The following USF3 variants were observed in gnomAD, a reference collection of about 807,000 sequenced individuals.
USF3 encodes the protein basic helix-loop-helix domain-containing protein USF3.
In USF3, 29 loss-of-function variants were observed where a neutral mutation model predicts 157.5. The ratio of observed to expected loss-of-function variants is 0.18; its 90% CI spans 0.14 to 0.25. The LOEUF is 0.25. USF3 is among the 10% of genes least tolerant of loss of function. The pLI, the probability that USF3 is intolerant of heterozygous loss-of-function variation, is 1.00. For missense variants in USF3, 2,381 were observed against 2,667.6 expected (o/e 0.89, Z 2.37); for synonymous variants, 893 against 941.4 (o/e 0.95, Z 0.94).
At position 113,656,007 on chromosome 3, in the gene USF3, G is replaced by A. The variant is rs1947350691; in HGVS notation, c.5675C>T (p.Thr1892Ile). Residue 1892 changes from threonine to isoleucine, a missense_variant, in exon 7 of 7, where the codon ACC becomes ATC. Thr to Ile is a moderately conservative substitution (Grantham distance 89). This residue lies in a region of USF3 where 770 missense variants were observed against 824.2 expected (regional missense o/e 0.93). Transcript: ENST00000316407. ...SLGAINTRNS[T>I]LNIPFSSSSS... ...GGAACTTGAAAAAGGAATATTCAAG[G>A]TGCTGTTCCTGGTGTTAATTGCACC... The A allele has an allele frequency of 1.2e-6, 2 of 1,614,158 alleles. No homozygotes were observed. The highest frequency in any genetic ancestry group is 1.7e-6 in the Non-Finnish European group (2 of 1,180,024).
intron 2 of USF3, among the ~76,000 whole-genome samples, chr3:113,675,375 G>C (rs114433869): frequency 3.1e-4 from 47 of 152,236 alleles, no homozygotes; most frequent in African/African-American, 1.1e-3. Context: ...ATGAAAGCAA[G>C]CATTCATTCA....
Position 113,696,404 on chromosome 3 carries a change from G to A in USF3, c.-169C>T, listed in dbSNP as rs559373323. 5 of 150,954 alleles carry A rather than the reference G, an allele frequency of 3.3e-5. No individual in the cohort carries two copies. In the South Asian group the frequency reaches 1.0e-3, roughly 32 times the overall value. The allele number at this position is 150,954 out of a possible 1,614,324, so 9.4% of individuals were successfully genotyped here. A position where few individuals can be genotyped will look rare whatever the true frequency, so the allele number is the denominator to read the frequency against. On this transcript the variant is annotated 5_prime_UTR_variant, in exon 1 of 7. Coordinates refer to ENST00000316407, the MANE Select transcript of USF3 (RefSeq NM_001009899.4). Reference sequence around the variant, plus strand: ...GCGCGGTCTCGGCCGCGGTGGCGGCGGCGACGGCGGCGACCCCCGCCTGGG... The same window carrying A: ...GCGCGGTCTCGGCCGCGGTGGCGGCAGCGACGGCGGCGACCCCCGCCTGGG...
At position 113,670,907 on chromosome 3, in the gene USF3, A is replaced by AT. The variant is rs906014649; in HGVS notation, c.77-705dup. Among the ~76,000 whole-genome samples the AT allele has an allele frequency of 3.7e-4, 56 of 150,244 alleles. No homozygotes were observed. The East Asian group carries it at 6.3e-3, about 17-fold the overall frequency. ...CAGGCATGCAGCACCATGCCCAACTATTTTTTTTTGTATTTTTAGTAGGGA... is the reference window on the plus strand; with the variant it reads ...CAGGCATGCAGCACCATGCCCAACTATTTTTTTTTTGTATTTTTAGTAGGGA... On this transcript the variant is annotated intron_variant, in intron 4 of 6. Coordinates refer to ENST00000316407, the MANE Select transcript of USF3 (RefSeq NM_001009899.4).
At chr3:113,663,143 G>A (rs567627531) in intron 6 of USF3, among the ~76,000 whole-genome samples, 2 of 151,642 alleles carry the variant, frequency 1.3e-5, no homozygotes, top group Admixed American at 1.3e-4. Flanking sequence ...GAGAAATAAC[G>A]ATCATGACAG....
At chr3:113,695,059 A>G (rs997774379) in intron 1 of USF3, among the ~76,000 whole-genome samples, 1 of 151,518 alleles carries the variant, frequency 6.6e-6, no homozygotes. Flanking sequence ...AAAATAAAAG[A>G]AAGTTTACGA....
chr3:113,660,985 C>T lies in USF3; in HGVS notation c.697G>A (p.Ala233Thr), dbSNP rs776056279. ...GTGGGAAGCTCGAGAATACTCTGAGCAGAAATGGCAGCAGGAAGACAAAGA... is the reference window on the plus strand; with the variant it reads ...GTGGGAAGCTCGAGAATACTCTGAGTAGAAATGGCAGCAGGAAGACAAAGA... ...VPLCLPAAIS[A>T]QSILELPTSE... The change falls in exon 7 of 7, where the codon GCT becomes ACT. Residue 233 changes from alanine (A) to threonine (T), a missense_variant. By Grantham distance (58) the Ala-to-Thr change is moderately conservative. Coordinates refer to ENST00000316407, the MANE Select transcript of USF3 (RefSeq NM_001009899.4). 1 of 1,613,956 alleles carries T rather than the reference C, an allele frequency of 6.2e-7. No homozygotes were observed. The highest frequency in any genetic ancestry group is 1.1e-5 in the South Asian group (1 of 91,080).
intron 2 of USF3, among the ~76,000 whole-genome samples, chr3:113,676,855 A>G (rs1196301860): frequency 6.6e-6 from 1 of 152,248 alleles, no homozygotes; most frequent in Non-Finnish European, 1.5e-5. Flanking sequence ...CAGATGCTTC[A>G]TCTACACCGT....
Position 113,658,282 on chromosome 3 carries a change from C to A in USF3, c.3400G>T (p.Ala1134Ser). Residue 1134 changes from alanine to serine, a missense_variant, in exon 7 of 7, where the codon GCT becomes TCT. Ala to Ser is a moderately conservative substitution (Grantham distance 99). This residue lies in a region of USF3 where 1,435 missense variants were observed against 1,550.9 expected (regional missense o/e 0.93). Coordinates refer to ENST00000316407, the MANE Select transcript of USF3 (RefSeq NM_001009899.4). ...TCAAAAATAGCTCTTGCTGCAAGAG[C>A]TACTATATCAGTTTGCTCTACAAAG... ...CTFVEQTDIV[A>S]LAARAIFDQE... 1 of 1,614,188 alleles carries A rather than the reference C, an allele frequency of 6.2e-7. No homozygotes were observed. Among genetic ancestry groups the A allele is most frequent in the South Asian group, 1.1e-5 (1 of 91,090 alleles).
chr3:113,695,823 T>G (rs1707784707), intron 1 of USF3, among the ~76,000 whole-genome samples: 1 of 152,226 alleles, frequency 6.6e-6, no homozygotes, highest in Non-Finnish European at 1.5e-5. Context: ...GTCATTCACT[T>G]GCACTGCTTC....
chr3:113,659,410 C>A lies in USF3; in HGVS notation c.2272G>T (p.Ala758Ser), dbSNP rs1235379954. ...GAACTATCTGTTGTCACAGGAGGTG[C>A]TGCAGTTGTTGTTAATGAAACACAG... The part of the protein sequence containing the change: ...ANCVSLTTTA[A>S]PPVTTDSSAT... Residue 758 changes from alanine to serine, a missense_variant, in exon 7 of 7, where the codon GCA (alanine) becomes TCA (serine). This residue lies in a region of USF3 where 1,435 missense variants were observed against 1,550.9 expected (regional missense o/e 0.93). Transcript: ENST00000316407. 6.2e-7 allele frequency: 1 copy of A among 1,614,206 alleles called. No individual in the cohort carries two copies. Among genetic ancestry groups the A allele is most frequent in the Non-Finnish European group, 8.5e-7 (1 of 1,180,034 alleles).
Position 113,659,167 on chromosome 3 carries a change from C to T in USF3, c.2515G>A (p.Gly839Arg). The change falls in exon 7 of 7, where the codon GGA becomes AGA. Residue 839 changes from glycine to arginine, a missense_variant. By Grantham distance (125) the Gly-to-Arg change is moderately radical. Transcript: ENST00000316407. The part of the protein sequence containing the change: ...EGSAEPPCND[G>R]LLESFPAVLP... ...ACAGCAGGGAAGCTTTCTAGCAGTC[C>T]ATCATTACAGGGTGGCTCTGCTGAG... The T allele has an allele frequency of 6.2e-7, 1 of 1,614,164 alleles. No homozygotes were observed. The highest frequency in any genetic ancestry group is 8.5e-7 in the Non-Finnish European group (1 of 1,180,018).
At chr3:113,692,171 G>A (rs918402958) in intron 1 of USF3, among the ~76,000 whole-genome samples, 1 of 152,148 alleles carries the variant, frequency 6.6e-6, no homozygotes, top group Non-Finnish European at 1.5e-5. Flanking sequence ...TGTGCGGCCT[G>A]ATTCCTAACA....
intron 1 of USF3, among the ~76,000 whole-genome samples, chr3:113,685,439 C>T (rs1381102578): frequency 6.6e-6 from 1 of 152,130 alleles, no homozygotes; most frequent in African/African-American, 2.4e-5. Flanking sequence ...CCTTCAGGGT[C>T]GTGGGTTCCA....
In USF3 at chr3:113,657,908, C is replaced by T. The variant is rs759812008; in HGVS notation, c.3774G>A (p.Ala1258=). ...TTTGCTCTGAAGTTGGGGATAAACC[C>T]GCACAGCTGGCCAGAGGATGGCTGA... is the stretch of plus-strand genomic sequence containing the variant. ...SSISHPLASC[A]GLSPTSEQTT... is the part of the protein sequence containing the mutation. The change falls in exon 7 of 7, where the codon GCG becomes GCA. Residue 1258 remains alanine (A), a synonymous_variant. Transcript: ENST00000316407. The T allele has an allele frequency of 4.3e-6, 7 of 1,614,136 alleles. No homozygotes were observed. The South Asian group carries it at 4.4e-5, about 10-fold the overall frequency.
chr3:113,658,105 G>A lies in USF3; in HGVS notation c.3577C>T (p.Pro1193Ser), dbSNP rs1490894292. 1.2e-6 allele frequency: 2 copies of A among 1,613,962 alleles called. No homozygotes were observed. Among genetic ancestry groups the A allele is most frequent in the Admixed American group, 1.7e-5 (1 of 59,994 alleles). Residue 1193 changes from proline to serine, a missense_variant, in exon 7 of 7, where the codon CCA becomes TCA. Coordinates refer to ENST00000316407, the MANE Select transcript of USF3 (RefSeq NM_001009899.4). ...GAACCCTGAGAATTAAATTCATTTG[G>A]TGTTGCTTCTGCCTGTCCTGTGCCA... ...ESGTGQAEAT[P>S]NEFNSQGSIE...
chr3:113,682,197 T>C (rs1032764058), intron 1 of USF3, among the ~76,000 whole-genome samples: 2 of 152,130 alleles, frequency 1.3e-5, no homozygotes, highest in Non-Finnish European at 2.9e-5. Context: ...AGGTGGCATG[T>C]GCCTGTAGTC....
At position 113,654,852 on chromosome 3, in the gene USF3, C is replaced by A; in HGVS notation, c.*92G>T. Reference sequence around the variant, plus strand: ...AACTGATTATACAGACACACACACACAATCCTTCTCTTCATGTACATGTCT... The same window carrying A: ...AACTGATTATACAGACACACACACAAAATCCTTCTCTTCATGTACATGTCT... On this transcript the variant is annotated 3_prime_UTR_variant, in exon 7 of 7. Coordinates refer to ENST00000316407, the MANE Select transcript of USF3 (RefSeq NM_001009899.4). 7.3e-7 allele frequency: 1 copy of A among 1,371,900 alleles called. No homozygotes were observed. The highest frequency in any genetic ancestry group is 1.4e-5 in the African/African-American group (1 of 69,266). The allele number at this position is 1,371,900 out of a possible 1,614,324, so 85.0% of individuals were successfully genotyped here.
chr3:113,696,354 T>G lies in USF3; in HGVS notation c.-135+16A>C, dbSNP rs989660377. On this transcript the variant is annotated intron_variant, in intron 1 of 6. Coordinates refer to ENST00000316407, the MANE Select transcript of USF3 (RefSeq NM_001009899.4). ...CCCGCCCCGGCTGTCAGCGGCCCCC[T>G]CCCGCAGTCACTTACCCGCCGGCTG... The G allele has an allele frequency of 6.5e-5, 5 of 76,512 alleles. No homozygotes were observed. The highest frequency in any genetic ancestry group is 1.3e-4 in the Non-Finnish European group (5 of 38,260). The allele number at this position is 76,512 out of a possible 1,614,324, so 4.7% of individuals were successfully genotyped here.
chr3:113,657,018 G>A lies in USF3; in HGVS notation c.4664C>T (p.Pro1555Leu). ...TDQSRSKTGQPHPHHQQMQQQ... is the reference protein window; with the variant it reads ...TDQSRSKTGQLHPHHQQMQQQ... ...CTGCATCTGCTGATGGTGGGGATGT[G>A]GCTGGCCAGTCTTGGATCGGGATTG... is the stretch of plus-strand genomic sequence containing the variant. The change falls in exon 7 of 7, where the codon CCA becomes CTA. Residue 1555 changes from proline (P) to leucine (L), a missense_variant. This residue lies in a region of USF3 where 770 missense variants were observed against 824.2 expected (regional missense o/e 0.93). Transcript: ENST00000316407. 6.2e-7 allele frequency: 1 copy of A among 1,614,144 alleles called. No homozygotes were observed. Among genetic ancestry groups the A allele is most frequent in the Non-Finnish European group, 8.5e-7 (1 of 1,180,034 alleles).
Sources: allele counts gnomAD v4.1 joint callset (sites outside exome capture counted in the v4.1 genomes callset), GRCh38; gene constraint gnomAD v4.1.1; regional missense constraint gnomAD v4.1.1; transcripts MANE v1.5; gene names NCBI Gene and HGNC (gene_info 2026-07-23, HGNC 2026-07-21).